The following RAB38 variants were observed in gnomAD, a reference collection of about 807,000 sequenced individuals.
The protein encoded by RAB38 is ras-related protein Rab-38.
A neutral mutation model predicts 18.4 loss-of-function variants in RAB38; 15 were observed. That is an observed-to-expected ratio of 0.82 (90% CI 0.55 to 1.26). The LOEUF is 1.26. Among genes scored for constraint, RAB38 ranks in the 50% most tolerant of loss-of-function variants. The pLI, the probability that RAB38 is intolerant of heterozygous loss-of-function variation, is 0.00. For synonymous variants in RAB38, 101 were observed against 104.4 expected (o/e 0.97, Z 0.20); for missense variants, 294 against 267.4 (o/e 1.10, Z -0.69).
chr11:87,894,694 G>A, the RAB38 span, among the ~76,000 whole-genome samples: 1 of 150,810 alleles, frequency 6.6e-6, no homozygotes, highest in South Asian at 2.1e-4. Context: ...GACATATGCT[G>A]AGTGCATTAC....
the RAB38 span, among the ~76,000 whole-genome samples, chr11:87,972,166 T>A: frequency 6.6e-6 from 1 of 152,034 alleles, no homozygotes; most frequent in South Asian, 2.1e-4. Context: ...GCGCCAAAAA[T>A]AAATGATTGA....
chr11:88,108,870 G>T (rs754849208), downstream of RAB38, among the ~76,000 whole-genome samples: 1 of 152,122 alleles, frequency 6.6e-6, no homozygotes, highest in Non-Finnish European at 1.5e-5. Flanking sequence ...TGTCTCTAAA[G>T]GATTTTATTT....
the RAB38 span, among the ~76,000 whole-genome samples, chr11:87,924,048 CACA>C: frequency 6.6e-6 from 1 of 151,542 alleles, no homozygotes; most frequent in African/African-American, 2.4e-5. Flanking sequence ...CACACACACA[CACA>C]ACATTTTAAA....
chr11:87,925,310 C>G, the RAB38 span, among the ~76,000 whole-genome samples: 1 of 151,992 alleles, frequency 6.6e-6, no homozygotes, highest in Admixed American at 6.6e-5. Context: ...TATCACCTGC[C>G]CAATTAATGC....
At chr11:87,941,213 A>ATATATATTTTTATAAATATAT in the RAB38 span, among the ~76,000 whole-genome samples, 2 of 41,060 alleles carry the variant, frequency 4.9e-5, no homozygotes, top group Non-Finnish European at 8.7e-5. Flanking sequence ...TAAATATATG[A>ATATATATTTTTATAAATATAT]GATATATATA....
the RAB38 span, among the ~76,000 whole-genome samples, chr11:88,099,277 T>A: frequency 9.9e-5 from 15 of 151,926 alleles, no homozygotes; most frequent in Non-Finnish European, 1.0e-4. Context: ...TCTTGGGATT[T>A]AAATCAAGCC....
chr11:88,032,746 T>C, the RAB38 span, among the ~76,000 whole-genome samples: 3 of 152,162 alleles, frequency 2.0e-5, no homozygotes, highest in Non-Finnish European at 1.5e-5. Context: ...GGAGAGGATG[T>C]GAAGAAATAG....
At chr11:88,024,977 T>C in the RAB38 span, among the ~76,000 whole-genome samples, 6 of 152,100 alleles carry the variant, frequency 3.9e-5, no homozygotes, top group African/African-American at 1.4e-4. Flanking sequence ...CTAGAGTCAA[T>C]AATGACTTAA....
the RAB38 span, among the ~76,000 whole-genome samples, chr11:87,935,785 C>T: frequency 6.6e-6 from 1 of 152,048 alleles, no homozygotes; most frequent in East Asian, 1.9e-4. Flanking sequence ...TGAACCTGTT[C>T]TTCATTTTAT....
intron 2 of RAB38, among the ~76,000 whole-genome samples, chr11:88,114,890 TG>T (rs1942527975): frequency 6.6e-6 from 1 of 152,196 alleles, no homozygotes; most frequent in Non-Finnish European, 1.5e-5. Context: ...TTTAACCCAC[TG>T]AGATTTGAGG....
At chr11:88,078,297 A>C in the RAB38 span, among the ~76,000 whole-genome samples, 1 of 152,042 alleles carries the variant, frequency 6.6e-6, no homozygotes, top group African/African-American at 2.4e-5. Context: ...CATATGATCC[A>C]TCAGTTCCAC....
chr11:87,864,978 C>A, the RAB38 span, among the ~76,000 whole-genome samples: 1 of 151,704 alleles, frequency 6.6e-6, no homozygotes, highest in African/African-American at 2.4e-5. Flanking sequence ...GTAAACAGGA[C>A]CATTCTCTTG....
At chr11:87,949,857 G>A in the RAB38 span, among the ~76,000 whole-genome samples, 1 of 152,184 alleles carries the variant, frequency 6.6e-6, no homozygotes, top group Non-Finnish European at 1.5e-5. Flanking sequence ...TGAGAAGAAT[G>A]TATATTCTGT....
the RAB38 span, among the ~76,000 whole-genome samples, chr11:87,976,921 TAATTACATTATACAA>T: frequency 0.044 from 11 of 248 alleles, 4 homozygotes; most frequent in African/African-American, 0.15. Flanking sequence ...TTATATATTA[TAATTACATTATACAA>T]GTATATTATA....
At chr11:87,945,493 G>T in the RAB38 span, among the ~76,000 whole-genome samples, 2 of 152,136 alleles carry the variant, frequency 1.3e-5, no homozygotes, top group Non-Finnish European at 2.9e-5. Context: ...GGTTGGAAGG[G>T]TAGAAAACAG....
At chr11:88,049,536 C>G in the RAB38 span, among the ~76,000 whole-genome samples, 1 of 152,068 alleles carries the variant, frequency 6.6e-6, no homozygotes, top group East Asian at 1.9e-4. Context: ...TTCGCTGACT[C>G]TCTTTTCGGA....
the RAB38 span, among the ~76,000 whole-genome samples, chr11:87,843,355 G>T: frequency 1.3e-5 from 2 of 152,058 alleles, no homozygotes; most frequent in Admixed American, 1.3e-4. Flanking sequence ...TTTTCTTGTT[G>T]GAGGTTATGA....
the RAB38 span, among the ~76,000 whole-genome samples, chr11:87,942,915 A>G: frequency 6.6e-6 from 1 of 152,198 alleles, no homozygotes; most frequent in East Asian, 1.9e-4. Context: ...TGAGAGGACC[A>G]TGACTTGCTG....
At chr11:87,958,092 A>G in the RAB38 span, among the ~76,000 whole-genome samples, 1 of 152,102 alleles carries the variant, frequency 6.6e-6, no homozygotes, top group Non-Finnish European at 1.5e-5. Context: ...ATCTCTTCCC[A>G]GGCTAGCAAT....
Sources: allele counts gnomAD v4.1 joint callset (sites outside exome capture counted in the v4.1 genomes callset), GRCh38; gene constraint gnomAD v4.1.1; transcripts MANE v1.5; gene names NCBI Gene and HGNC (gene_info 2026-07-23, HGNC 2026-07-21).